ZNF821: variants seen among roughly 807,000 people sequenced by gnomAD.
ZNF821 encodes zinc finger protein 821.
A neutral mutation model predicts 44.3 loss-of-function variants in ZNF821; 16 were observed. That is an observed-to-expected ratio of 0.36 (90% confidence interval 0.24 to 0.55). ZNF821 has a LOEUF of 0.55. Ranked by LOEUF, ZNF821 falls within the 20% of genes least tolerant of loss-of-function variation. The probability of loss-of-function intolerance (pLI) is 0.86; values close to 1 mark genes in which losing one functional copy is unlikely to be tolerated. For synonymous variants in ZNF821, 204 were observed against 197.6 expected (o/e 1.03, Z -0.27); for missense variants, 436 against 547.6 (o/e 0.80, Z 2.03).
At chr16:71,890,233 T>C (rs2036877799) in intron 1 of ZNF821, among the ~76,000 whole-genome samples, 1 of 151,686 alleles carries the variant, frequency 6.6e-6, no homozygotes, top group African/African-American at 2.4e-5. Context: ...TGTATATTCT[T>C]TTTTTTATTG....
chr16:71,865,888 T>TGAG (rs1482321504), intron 4 of ZNF821, among the ~76,000 whole-genome samples: 1 of 152,202 alleles, frequency 6.6e-6, no homozygotes, highest in East Asian at 1.9e-4. Flanking sequence ...GATGTGGCTA[T>TGAG]GAGGAGGTCT....
rs2034362959 is a variant in ZNF821, at chr16:71,864,929, C to A, written c.286G>T (p.Gly96Cys). 2 of 1,614,144 alleles carry A rather than the reference C, an allele frequency of 1.2e-6. No homozygotes were observed. The highest frequency in any genetic ancestry group is 1.7e-6 in the Non-Finnish European group (2 of 1,180,034). ...KELENTEQPV[G>C]GNEVVEHEVT... ...TCGTGCTCTACCACTTCGTTCCCAC[C>A]AACAGGCTGTTCTGTATTTTCTAAC... Residue 96 changes from glycine (G) to cysteine (C), a missense_variant, in exon 5 of 8, where the codon GGT becomes TGT. This residue lies in a region of ZNF821 where 238 missense variants were observed against 281.4 expected (regional missense o/e 0.85). Coordinates refer to ENST00000425432, the MANE Select transcript of ZNF821 (RefSeq NM_001201552.2).
chr16:71,884,833 G>C (rs997156792), upstream of ZNF821: 6 of 151,866 alleles, frequency 4.0e-5, no homozygotes, highest in African/African-American at 1.5e-4. Context: ...GGATGTTTGG[G>C]GGCAATGGAG....
chr16:71,868,632 T>G (rs2034822606), intron 3 of ZNF821, among the ~76,000 whole-genome samples: 1 of 152,192 alleles, frequency 6.6e-6, no homozygotes, highest in Non-Finnish European at 1.5e-5. Flanking sequence ...AACAACTGGT[T>G]GAATAGTGGA....
At position 71,860,472 on chromosome 16, in the gene ZNF821, C is replaced by A; in HGVS notation, c.785G>T (p.Arg262Leu). Reference protein sequence around the residue: ...TPSVRKWALRRQNEPLEVRLQ... With the variant: ...TPSVRKWALRLQNEPLEVRLQ... ...CCGTACTTCCAAAGGCTCATTCTGT[C>A]GACGTAGAGCCCACTTGCGTACACT... Residue 262 changes from arginine to leucine, a missense_variant, in exon 8 of 8, where the codon CGA becomes CTA. Coordinates refer to ENST00000425432, the MANE Select transcript of ZNF821 (RefSeq NM_001201552.2). The surrounding 1 kb of genome is among the most constrained non-coding windows in gnomAD (Gnocchi z 7.3). 1 of 1,614,176 alleles carries A rather than the reference C, an allele frequency of 6.2e-7. No homozygotes were observed. The highest frequency in any genetic ancestry group is 8.5e-7 in the Non-Finnish European group (1 of 1,180,046).
intron 3 of ZNF821, among the ~76,000 whole-genome samples, chr16:71,869,041 C>A (rs1049154238): frequency 6.6e-6 from 1 of 152,236 alleles, no homozygotes; most frequent in South Asian, 2.1e-4. Flanking sequence ...ATGAACTCTG[C>A]TTGGGATCCA....
At chr16:71,892,210 A>AAAAAAAAT (rs2036890394) in intron 1 of ZNF821, among the ~76,000 whole-genome samples, 1 of 143,704 alleles carries the variant, frequency 7.0e-6, no homozygotes, top group East Asian at 2.0e-4. Flanking sequence ...AAAAAAAAAA[A>AAAAAAAAT]GAATCATGTC....
In ZNF821 at chr16:71,891,815, C is replaced by G. The variant is rs1029722055; in HGVS notation, n.448+3074G>C. On this transcript the variant is annotated intron_variant and non_coding_transcript_variant, in intron 1 of 2. Transcript: ENST00000561700. Reference sequence around the variant, plus strand: ...ATGAGGTCAGGGGTTTGAGACTAGCCTGACCAACACGGTGAAACCTCATCT... The same window carrying G: ...ATGAGGTCAGGGGTTTGAGACTAGCGTGACCAACACGGTGAAACCTCATCT... Among the ~76,000 whole-genome samples, 6 of 152,002 alleles carry G rather than the reference C, an allele frequency of 3.9e-5. No individual in the cohort carries two copies. The East Asian group carries it at 7.7e-4, about 20-fold the overall frequency.
intron 4 of ZNF821, among the ~76,000 whole-genome samples, chr16:71,867,405 G>A (rs1007043126): frequency 1.3e-5 from 2 of 151,960 alleles, no homozygotes; most frequent in South Asian, 2.1e-4. Context: ...TATATATATC[G>A]GCCAGGTGCA....
At chr16:71,862,719 G>A (rs981644732) in intron 6 of ZNF821, among the ~76,000 whole-genome samples, 10 of 151,016 alleles carry the variant, frequency 6.6e-5, no homozygotes, top group Non-Finnish European at 1.2e-4. Flanking sequence ...AGAAATACTT[G>A]TCCTCATGAA....
At chr16:71,878,435 G>A (rs1455940894) in intron 3 of ZNF821, among the ~76,000 whole-genome samples, 3 of 151,814 alleles carry the variant, frequency 2.0e-5, no homozygotes, top group African/African-American at 7.3e-5. Context: ...TCTTTTTAAC[G>A]AACATTTGGG....
At chr16:71,873,476 G>C (rs2035450301) in intron 3 of ZNF821, among the ~76,000 whole-genome samples, 2 of 152,126 alleles carry the variant, frequency 1.3e-5, no homozygotes, top group Non-Finnish European at 2.9e-5. Context: ...TTAATGAAGT[G>C]AAGTGGGCAA....
chr16:71,861,661 G>T, intron 7 of ZNF821, 115 bp downstream of exon 7: 1 of 1,222,884 alleles, frequency 8.2e-7, no homozygotes, highest in Non-Finnish European at 1.2e-6. Flanking sequence ...CTTCCAAGGA[G>T]CATGCATCAG....
intron 3 of ZNF821, 22 bp downstream of exon 3, chr16:71,879,885 G>C (rs1202773728): frequency 1.2e-6 from 2 of 1,609,998 alleles, no homozygotes. Flanking sequence ...CCAGGTTCCA[G>C]AAGACAAAGC....
intron 7 of ZNF821, among the ~76,000 whole-genome samples, chr16:71,861,106 G>A (rs1253210014): frequency 2.6e-5 from 4 of 152,026 alleles, no homozygotes; most frequent in African/African-American, 4.8e-5. Context: ...CACCCGCCTC[G>A]GCCTCCCAAA....
intron 3 of ZNF821, among the ~76,000 whole-genome samples, chr16:71,870,596 T>C (rs928546192): frequency 3.3e-5 from 5 of 151,916 alleles, no homozygotes; most frequent in East Asian, 3.9e-4. Context: ...TCTCCTGCCT[T>C]AGCCTCCTGA....
upstream of ZNF821, among the ~76,000 whole-genome samples, chr16:71,889,530 G>A (rs1371010114): frequency 2.6e-5 from 4 of 151,902 alleles, no homozygotes; most frequent in South Asian, 4.2e-4. Flanking sequence ...AAAATTAGCC[G>A]GGTGTGGTGG....
intron 4 of ZNF821, 80 bp downstream of exon 4, chr16:71,867,832 T>C: frequency 6.7e-7 from 1 of 1,502,034 alleles, no homozygotes; most frequent in Non-Finnish European, 8.9e-7. Context: ...CCAACCCCCA[T>C]GCACAATCCC....
chr16:71,894,698 C>CTTTTTTTTTTTT, intron 1 of ZNF821: 1 of 443,580 alleles, frequency 2.3e-6, no homozygotes, highest in South Asian at 2.8e-5. Context: ...TAATTTTTAA[C>CTTTTTTTTTTTT]TTTTTTTTTT....
Sources: allele counts gnomAD v4.1 joint callset (sites outside exome capture counted in the v4.1 genomes callset), GRCh38; gene constraint gnomAD v4.1.1; regional missense constraint gnomAD v4.1.1; non-coding constraint Gnocchi (gnomAD v3.1); transcripts MANE v1.5; gene names NCBI Gene and HGNC (gene_info 2026-07-23, HGNC 2026-07-21).